The following SGIP1 variants were observed in gnomAD, a reference collection of about 807,000 sequenced individuals.
SGIP1 encodes SH3-containing GRB2-like protein 3-interacting protein 1.
A neutral mutation model predicts 107.5 loss-of-function variants in SGIP1; 38 were observed. That is an observed-to-expected ratio of 0.35 (90% CI 0.27 to 0.46). The LOEUF (loss-of-function observed/expected upper bound fraction) is 0.46, where lower values mean the gene tolerates loss of function less well. SGIP1 is among the 20% of genes least tolerant of loss of function. SGIP1 has a pLI of 1.00. For synonymous variants in SGIP1, 365 were observed against 366.1 expected (o/e 1.00, Z 0.03); for missense variants, 929 against 1,019.5 (o/e 0.91, Z 1.21).
intron 19 of SGIP1, among the ~76,000 whole-genome samples, chr1:66,727,006 G>A (rs996081021): frequency 6.6e-6 from 1 of 152,162 alleles, no homozygotes; most frequent in Non-Finnish European, 1.5e-5. Flanking sequence ...AAACTTTTGT[G>A]ACCTTCGGTT....
At chr1:66,552,525 T>A (rs2057567536) in intron 1 of SGIP1, among the ~76,000 whole-genome samples, 1 of 152,114 alleles carries the variant, frequency 6.6e-6, no homozygotes, top group Admixed American at 6.6e-5. Flanking sequence ...CACAGGCAAG[T>A]TTATATAGCA....
intron 18 of SGIP1, among the ~76,000 whole-genome samples, chr1:66,699,285 C>T (rs1008341014): frequency 2.0e-5 from 3 of 152,140 alleles, no homozygotes; most frequent in African/African-American, 7.2e-5. Context: ...CTTCCAAAGC[C>T]TTCCTGATTG....
chr1:66,659,950 AAAAGAAAGAAAGAAAGAAAG>A lies in SGIP1; in HGVS notation c.460-533_460-514del, dbSNP rs71058469. The stretch of plus-strand genomic sequence containing the variant: ...AAAAAGAGAGAAAGAAAAAGAAAGA[AAAAGAAAGAAAGAAAGAAAG>A]AAAGAAAGAAAGAAAGAAAGAAAGA... On this transcript the variant is annotated intron_variant, in intron 7 of 24. Coordinates refer to ENST00000371037, the MANE Select transcript of SGIP1 (RefSeq NM_032291.4). 7.4e-3 allele frequency among the ~76,000 whole-genome samples: 317 copies of A among 43,036 alleles called. 10 individuals carry two copies. The highest frequency in any genetic ancestry group is 0.04 in the Middle Eastern group (4 of 100). The allele number at this position is 43,036 out of a possible 152,430, so 28.2% of individuals were successfully genotyped here. A position where few individuals can be genotyped will look rare whatever the true frequency, so the allele number is the denominator to read the frequency against.
chr1:66,673,406 C>A, intron 12 of SGIP1, 40 bp downstream of exon 12: 2 of 1,522,250 alleles, frequency 1.3e-6, no homozygotes, highest in Admixed American at 2.2e-5. Flanking sequence ...TTTGTTTTTT[C>A]TTTTATTAAA....
intron 3 of SGIP1, among the ~76,000 whole-genome samples, chr1:66,633,342 C>T (rs1482571959): frequency 6.6e-6 from 1 of 152,138 alleles, no homozygotes; most frequent in African/African-American, 2.4e-5. Context: ...TGGTGGGTCA[C>T]AAGCCAGACA....
At position 66,598,279 on chromosome 1, in the gene SGIP1, T is replaced by C. The variant is rs561737941; in HGVS notation, c.11-27568T>C. Among the ~76,000 whole-genome samples the C allele has an allele frequency of 6.6e-5, 10 of 152,306 alleles. 1 individual carries two copies. In the East Asian group the frequency reaches 1.9e-3, roughly 29 times the overall value. On this transcript the variant is annotated intron_variant, in intron 1 of 24. Coordinates refer to ENST00000371037, the MANE Select transcript of SGIP1 (RefSeq NM_032291.4). ...AAAACTAACACATCATAGAATGGTT[T>C]ACCTGAAAGAGATAATTCATCTACT...
intron 4 of SGIP1, among the ~76,000 whole-genome samples, chr1:66,638,845 G>A (rs112123208): frequency 3.3e-5 from 5 of 152,164 alleles, no homozygotes; most frequent in Non-Finnish European, 7.3e-5. Flanking sequence ...CAAGCCTCAT[G>A]CGTCACCATT....
chr1:66,540,340 C>A (rs1243375546), intron 1 of SGIP1, among the ~76,000 whole-genome samples: 1 of 152,168 alleles, frequency 6.6e-6, no homozygotes, highest in Non-Finnish European at 1.5e-5. Flanking sequence ...ATTGTAGCAC[C>A]ACCATTCAAA....
chr1:66,616,436 T>C (rs574487481), intron 1 of SGIP1, among the ~76,000 whole-genome samples: 4 of 152,260 alleles, frequency 2.6e-5, no homozygotes, highest in Admixed American at 2.6e-4. Context: ...ATGTACAATA[T>C]ATTTTAGGTG....
intron 21 of SGIP1, among the ~76,000 whole-genome samples, chr1:66,736,205 AATATAAATATTT>A (rs1465528427): frequency 1.2e-4 from 17 of 145,774 alleles, no homozygotes; most frequent in Middle Eastern, 3.7e-3. Flanking sequence ...AAATATTTTA[AATATAAATATTT>A]ATACAAATAT....
chr1:66,601,329 C>T (rs547505562), intron 1 of SGIP1, among the ~76,000 whole-genome samples: 1 of 152,164 alleles, frequency 6.6e-6, no homozygotes, highest in South Asian at 2.1e-4. Context: ...CGCGCCACTG[C>T]ACTCCAGCCT....
At chr1:66,714,953 C>T (rs1431997357) in intron 18 of SGIP1, among the ~76,000 whole-genome samples, 2 of 152,148 alleles carry the variant, frequency 1.3e-5, no homozygotes, top group Non-Finnish European at 1.5e-5. Context: ...CAAAAACTCT[C>T]TGAGGTGCTA....
chr1:66,722,699 G>A (rs931554700), intron 19 of SGIP1, among the ~76,000 whole-genome samples: 10 of 152,148 alleles, frequency 6.6e-5, no homozygotes, highest in Admixed American at 2.6e-4. Flanking sequence ...TTAAGAAGCC[G>A]TTATTAACGT....
At chr1:66,699,573 C>G (rs533887250) in intron 18 of SGIP1, among the ~76,000 whole-genome samples, 1 of 152,216 alleles carries the variant, frequency 6.6e-6, no homozygotes, top group South Asian at 2.1e-4. Flanking sequence ...AAGTCATTCC[C>G]CTGGCAAGTC....
chr1:66,575,821 T>G (rs1288419512), intron 1 of SGIP1, among the ~76,000 whole-genome samples: 1 of 152,190 alleles, frequency 6.6e-6, no homozygotes, highest in Admixed American at 6.5e-5. Flanking sequence ...GTTTAAAGCT[T>G]AAATAGAAAC....
chr1:66,693,745 G>T (rs1166345865), intron 17 of SGIP1, among the ~76,000 whole-genome samples: 1 of 152,174 alleles, frequency 6.6e-6, no homozygotes, highest in Non-Finnish European at 1.5e-5. Flanking sequence ...ATTGGTTAAA[G>T]TCCAGAGCAC....
At chr1:66,668,715 A>G (rs1365749889) in intron 9 of SGIP1, among the ~76,000 whole-genome samples, 1 of 152,230 alleles carries the variant, frequency 6.6e-6, no homozygotes, top group African/African-American at 2.4e-5. Flanking sequence ...AGCTAATGCC[A>G]TTCAAAGATG....
chr1:66,672,061 T>C lies in SGIP1; in HGVS notation c.560+66T>C, dbSNP rs1231512539. The C allele has an allele frequency of 2.7e-6, 4 of 1,482,108 alleles. No individual in the cohort carries two copies. In the African/African-American group the frequency reaches 5.5e-5, roughly 21 times the overall value. 91.8% of individuals were successfully genotyped at this position (1,482,108 alleles called of 1,614,324 possible). A position where few individuals can be genotyped will look rare whatever the true frequency, so the allele number is the denominator to read the frequency against. ...CATGAACTTTTAACAATTAAGCAAA[T>C]CTCCTTTGAGCTAAACTCTCAGCTC... is the stretch of plus-strand genomic sequence containing the variant. On this transcript the variant is annotated intron_variant, in intron 11 of 24. Transcript: ENST00000371037.
chr1:66,656,069 C>A (rs890321846), intron 7 of SGIP1, among the ~76,000 whole-genome samples: 7 of 151,880 alleles, frequency 4.6e-5, no homozygotes, highest in Non-Finnish European at 7.4e-5. Flanking sequence ...TAGTTAAATT[C>A]TTTATACTCT....
Sources: allele counts gnomAD v4.1 joint callset (sites outside exome capture counted in the v4.1 genomes callset), GRCh38; gene constraint gnomAD v4.1.1; transcripts MANE v1.5; gene names NCBI Gene and HGNC (gene_info 2026-07-23, HGNC 2026-07-21).